FMN1: variants seen among roughly 807,000 people sequenced by gnomAD.
FMN1 encodes the protein formin-1.
A neutral mutation model predicts 132.4 loss-of-function variants in FMN1; 110 were observed. The ratio of observed to expected loss-of-function variants is 0.83; its 90% CI spans 0.71 to 0.97. The LOEUF (loss-of-function observed/expected upper bound fraction) is 0.97. FMN1 is among the 50% of genes least tolerant of loss of function. The probability of loss-of-function intolerance (pLI) is 0.00; values close to 1 mark genes in which losing one functional copy is unlikely to be tolerated. For missense variants in FMN1, 1,792 were observed against 1,705.3 expected (o/e 1.05, Z -0.90); for synonymous variants, 722 against 651.7 (o/e 1.11, Z -1.64).
chr15:32,963,590 C>T (rs1213537824), intron 9 of FMN1, among the ~76,000 whole-genome samples: 1 of 152,004 alleles, frequency 6.6e-6, no homozygotes, highest in Non-Finnish European at 1.5e-5. Flanking sequence ...AGCCACGTTA[C>T]CATACTGGAT....
intron 9 of FMN1, among the ~76,000 whole-genome samples, chr15:32,948,367 T>G (rs889328286): frequency 2.0e-5 from 3 of 152,022 alleles, no homozygotes; most frequent in Non-Finnish European, 4.4e-5. Context: ...ATGAGAGAAA[T>G]TGTCCTGTAG....
At chr15:33,149,998 C>G in intron 4 of FMN1, 1 of 985,250 alleles carries the variant, frequency 1.0e-6, no homozygotes, top group Non-Finnish European at 1.2e-6. Context: ...AAGAATTGAT[C>G]AAGAGATTCT....
At chr15:32,989,380 AT>A (rs1265853009) in intron 7 of FMN1, among the ~76,000 whole-genome samples, 1 of 152,200 alleles carries the variant, frequency 6.6e-6, no homozygotes, top group African/African-American at 2.4e-5. Context: ...AGATGGTTTC[AT>A]GTATGATGAG....
rs576013465 is a variant in FMN1, at chr15:33,027,551, A to G, written c.2162-19476T>C. Among the ~76,000 whole-genome samples, 19 of 152,188 alleles carry G rather than the reference A, an allele frequency of 1.2e-4. No homozygotes were observed. In the East Asian group the frequency reaches 3.5e-3, roughly 28 times the overall value. ...AGAATCACGGACAGCCAGAAACACT[A>G]GTTTTAGACATTTCAGTTTAACGTG... is the stretch of plus-strand genomic sequence containing the variant. On this transcript the variant is annotated intron_variant, in intron 6 of 20. Coordinates refer to ENST00000616417, the MANE Select transcript of FMN1 (RefSeq NM_001277313.2).
intron 3 of FMN1, among the ~76,000 whole-genome samples, chr15:33,157,747 G>A (rs984157358): frequency 1.3e-5 from 2 of 151,922 alleles, no homozygotes; most frequent in Admixed American, 1.3e-4. Context: ...ATCCCAGCAC[G>A]TTGGGAGGCC....
intron 5 of FMN1, among the ~76,000 whole-genome samples, chr15:33,087,408 T>C (rs544365744): frequency 6.6e-6 from 1 of 152,178 alleles, no homozygotes; most frequent in South Asian, 2.1e-4. Flanking sequence ...TAGCTGGGTG[T>C]GGTAGCTCAC....
At chr15:32,996,132 G>C (rs1369019658) in intron 7 of FMN1, among the ~76,000 whole-genome samples, 3 of 152,158 alleles carry the variant, frequency 2.0e-5, no homozygotes, top group Non-Finnish European at 4.4e-5. Context: ...TTGTGGCCCA[G>C]TCCCACCTAA....
intron 17 of FMN1, among the ~76,000 whole-genome samples, chr15:32,856,773 C>G (rs1196176774): frequency 6.6e-6 from 1 of 152,186 alleles, no homozygotes; most frequent in Non-Finnish European, 1.5e-5. Context: ...AGAGAATTTA[C>G]AAAAGCCAGA....
At chr15:33,099,909 T>G (rs371755807) in intron 4 of FMN1, among the ~76,000 whole-genome samples, 4 of 152,230 alleles carry the variant, frequency 2.6e-5, no homozygotes, top group African/African-American at 7.2e-5. Context: ...AATACACAGC[T>G]GTGGGACTCA....
chr15:33,052,619 A>G (rs1466565908), intron 6 of FMN1, among the ~76,000 whole-genome samples: 1 of 152,186 alleles, frequency 6.6e-6, no homozygotes, highest in African/African-American at 2.4e-5. Flanking sequence ...TCAGCCCCAC[A>G]ATGATAGTGA....
At chr15:33,005,408 A>C (rs1947802) in intron 7 of FMN1, among the ~76,000 whole-genome samples, 2,851 of 152,314 alleles carry the variant, frequency 0.019, 80 homozygotes, top group African/African-American at 0.062. Flanking sequence ...GAACATTTTT[A>C]ATCTTTACTA....
In FMN1 at chr15:32,798,865, C is replaced by T; in HGVS notation, c.4069G>A (p.Glu1357Lys). ...ATTGTCTTGAAGTCACTGCAGAACT[C>T]ATACCACACCATAAACACGTAGCTG... ...TPSYVFMVWYEFCSDFKTIWK... is the reference protein window; with the variant it reads ...TPSYVFMVWYKFCSDFKTIWK... The change falls in exon 19 of 21, where the codon GAG becomes AAG. Residue 1357 changes from glutamate to lysine, a missense_variant. This residue lies in a region of FMN1 where 1,150 missense variants were observed against 1,043.1 expected (regional missense o/e 1.10). Transcript: ENST00000616417. 6.2e-7 allele frequency: 1 copy of T among 1,613,722 alleles called. No individual in the cohort carries two copies. The highest frequency in any genetic ancestry group is 2.2e-5 in the East Asian group (1 of 44,874).
At position 32,964,148 on chromosome 15, in the gene FMN1, G is replaced by GT. The variant is rs1413873039; in HGVS notation, c.3096dup (p.Pro1033ThrfsTer7). ...TTCTTCTCATAAGTCTCTGACAGAG[G>GT]TTTTTTCTTCTGTTGAGTTGTGTCT... On this transcript the variant is annotated frameshift_variant, in exon 9 of 21. Transcript: ENST00000616417. LOFTEE classifies it high-confidence loss of function. 5.6e-6 allele frequency: 9 copies of GT among 1,612,870 alleles called. 1 individual carries two copies. The highest frequency in any genetic ancestry group is 5.9e-6 in the Non-Finnish European group (7 of 1,179,408).
chr15:32,958,563 T>C (rs1238237125), intron 9 of FMN1, among the ~76,000 whole-genome samples: 1 of 152,008 alleles, frequency 6.6e-6, no homozygotes, highest in Non-Finnish European at 1.5e-5. Flanking sequence ...CATACATACA[T>C]ACATACATAC....
At chr15:33,086,633 T>C (rs2038707774) in intron 5 of FMN1, among the ~76,000 whole-genome samples, 1 of 152,232 alleles carries the variant, frequency 6.6e-6, no homozygotes, top group Non-Finnish European at 1.5e-5. Flanking sequence ...TCAGCACTTT[T>C]ACACTGTAGG....
At chr15:32,976,908 G>A (rs1170724399) in intron 7 of FMN1, among the ~76,000 whole-genome samples, 2 of 152,170 alleles carry the variant, frequency 1.3e-5, no homozygotes, top group Non-Finnish European at 2.9e-5. Context: ...CAGGCACTAT[G>A]CTAGCCTTCA....
Position 32,901,932 on chromosome 15 carries a change from C to A in FMN1, c.3486G>T (p.Glu1162Asp). The change falls in exon 13 of 21, where the codon GAG (glutamate) becomes GAT (aspartate). Residue 1162 changes from glutamate (E) to aspartate (D), a missense_variant. By Grantham distance (45) the Glu-to-Asp change is conservative. This residue lies in a region of FMN1 where 1,150 missense variants were observed against 1,043.1 expected (regional missense o/e 1.10). Coordinates refer to ENST00000616417, the MANE Select transcript of FMN1 (RefSeq NM_001277313.2). ...EGITSLHRKV[E>D]IITRASKDLL... ...ATACCTTAGAAGCTCGCGTGATGAT[C>A]TCTACCTTTCTGTGCAAGGAGGTGA... 6.2e-7 allele frequency: 1 copy of A among 1,611,882 alleles called. No homozygotes were observed. Among genetic ancestry groups the A allele is most frequent in the Non-Finnish European group, 8.5e-7 (1 of 1,179,132 alleles).
At chr15:32,954,070 ATACAACAAC>A (rs1012151323) in intron 9 of FMN1, among the ~76,000 whole-genome samples, 17 of 152,200 alleles carry the variant, frequency 1.1e-4, no homozygotes, top group African/African-American at 3.9e-4. Context: ...ATGACTGGAC[ATACAACAAC>A]TACAACAACT....
At chr15:33,025,216 C>T (rs2035610130) in intron 6 of FMN1, among the ~76,000 whole-genome samples, 1 of 151,894 alleles carries the variant, frequency 6.6e-6, no homozygotes, top group African/African-American at 2.4e-5. Flanking sequence ...ATCTATGAAG[C>T]AAAAGAAGCT....
Sources: allele counts gnomAD v4.1 joint callset (sites outside exome capture counted in the v4.1 genomes callset), GRCh38; gene constraint gnomAD v4.1.1; regional missense constraint gnomAD v4.1.1; transcripts MANE v1.5; gene names NCBI Gene and HGNC (gene_info 2026-07-23, HGNC 2026-07-21).